Variants in CBR4 observed in about 807,000 individuals in gnomAD.
CBR4 encodes the protein carbonyl reductase 4, also known as 3-oxoacyl-[acyl-carrier-protein] reductase.
CBR4 carries 22 observed loss-of-function variants against 21.0 expected under a neutral mutation model. The observed-to-expected ratio is 1.05, with a 90% confidence interval of 0.75 to 1.50. The LOEUF (loss-of-function observed/expected upper bound fraction) is 1.50, where lower values mean the gene tolerates loss of function less well. Among genes scored for constraint, CBR4 ranks in the 40% most tolerant of loss-of-function variants. The pLI is 0.00. For missense variants in CBR4, 302 were observed against 286.3 expected, an observed-to-expected ratio of 1.05 and a Z score of -0.40; for synonymous variants, 100 against 104.4, an observed-to-expected ratio of 0.96 and a Z score of 0.26.
intron 2 of CBR4, chr4:168,916,139 A>G: frequency 9.8e-7 from 1 of 1,018,190 alleles, no homozygotes; most frequent in Non-Finnish European, 1.5e-6. Context: ...AGAGCTGGGC[A>G]CAGTGGCTCA....
rs1156435772 is a variant in CBR4, at chr4:168,979,883, GA to G, written n.169+22187del. Among the ~76,000 whole-genome samples, 8 of 152,200 alleles carry G rather than the reference GA, an allele frequency of 5.3e-5. No individual in the cohort carries two copies. In the East Asian group the frequency reaches 1.2e-3, roughly 22 times the overall value. Reference sequence around the variant, plus strand: ...AACTACCCTCAGACTGGGGAAGAAAGAAAGACCCTGAGTGCCTTACTCTCAC... The same window carrying G: ...AACTACCCTCAGACTGGGGAAGAAAGAAGACCCTGAGTGCCTTACTCTCAC... On this transcript the variant is annotated intron_variant and non_coding_transcript_variant, in intron 2 of 3. Coordinates refer to the CBR4 transcript ENST00000509108.
intron 2 of CBR4, among the ~76,000 whole-genome samples, chr4:168,931,208 T>C (rs1762960607): frequency 6.6e-6 from 1 of 152,208 alleles, no homozygotes; most frequent in South Asian, 2.1e-4. Flanking sequence ...GCCCCTGAGC[T>C]GCTAAGCACC....
At chr4:168,925,316 C>T in intron 2 of CBR4, 1 of 1,466,084 alleles carries the variant, frequency 6.8e-7, no homozygotes, top group Non-Finnish European at 9.6e-7. Context: ...GCAAAATATG[C>T]ATGTTGATTT....
At position 168,962,204 on chromosome 4, in the gene CBR4, A is replaced by AT. The variant is rs202128093; in HGVS notation, n.169+39866dup. On this transcript the variant is annotated intron_variant and non_coding_transcript_variant, in intron 2 of 3. Coordinates refer to the CBR4 transcript ENST00000509108. The stretch of plus-strand genomic sequence containing the variant: ...TTAAAAGGTAAGTCAAAAACTAAGG[A>AT]TTTTTTTTTCTACTCTCTCCCCTTC... Among the ~76,000 whole-genome samples the AT allele has an allele frequency of 1.4e-4, 22 of 151,806 alleles. No homozygotes were observed. In the East Asian group the frequency reaches 3.1e-3, roughly 21 times the overall value.
intron 3 of CBR4, among the ~76,000 whole-genome samples, chr4:169,002,970 A>G (rs1478432718): frequency 6.6e-6 from 1 of 152,156 alleles, no homozygotes; most frequent in African/African-American, 2.4e-5. Context: ...GGGTGCCACA[A>G]ACAAAATATT....
At position 168,912,882 on chromosome 4, in the gene CBR4, C is replaced by T. The variant is rs961780633; in HGVS notation, n.170-18117G>A. Among the ~76,000 whole-genome samples, 10 of 152,236 alleles carry T rather than the reference C, an allele frequency of 6.6e-5. No homozygotes were observed. The East Asian group carries it at 7.7e-4, about 12-fold the overall frequency. ...GGCTATCTCCCCGACCCCACCACCC[C>T]GTCAAAATTTCAATTGACAAATTTA... On this transcript the variant is annotated intron_variant and non_coding_transcript_variant, in intron 2 of 3. Transcript: ENST00000509108.
At chr4:168,946,055 G>A (rs1408253423) in intron 2 of CBR4, among the ~76,000 whole-genome samples, 3 of 152,166 alleles carry the variant, frequency 2.0e-5, no homozygotes, top group African/African-American at 7.2e-5. Flanking sequence ...AGAGCAATTA[G>A]ACTTCTCTCA....
intron 4 of CBR4, among the ~76,000 whole-genome samples, chr4:168,994,926 G>A (rs1190712985): frequency 6.6e-6 from 1 of 151,890 alleles, no homozygotes; most frequent in Non-Finnish European, 1.5e-5. Flanking sequence ...GGCTAATTTT[G>A]TATTTTTAGT....
intron 2 of CBR4, among the ~76,000 whole-genome samples, chr4:168,962,011 G>A (rs1249372648): frequency 2.1e-5 from 3 of 141,512 alleles, no homozygotes; most frequent in Non-Finnish European, 3.1e-5. Flanking sequence ...AGGAGAGGAG[G>A]AAGGCAAGCA....
At chr4:168,930,707 G>T (rs1166876517) in intron 2 of CBR4, among the ~76,000 whole-genome samples, 1 of 152,150 alleles carries the variant, frequency 6.6e-6, no homozygotes, top group Non-Finnish European at 1.5e-5. Context: ...TGTCTCTGCT[G>T]CCCATGCCCC....
chr4:168,898,623 C>A, intron 2 of CBR4: 1 of 1,613,828 alleles, frequency 6.2e-7, no homozygotes, highest in Non-Finnish European at 8.5e-7. Flanking sequence ...GGAATGGCAC[C>A]ATTCTTTGAG....
At chr4:168,969,236 C>T (rs1038965273) in intron 2 of CBR4, among the ~76,000 whole-genome samples, 17 of 152,192 alleles carry the variant, frequency 1.1e-4, no homozygotes, top group African/African-American at 4.1e-4. Flanking sequence ...TGTATTATTG[C>T]AGGGTTCTTC....
intron 3 of CBR4, among the ~76,000 whole-genome samples, chr4:169,004,863 G>A (rs1730772203): frequency 6.6e-6 from 1 of 152,140 alleles, no homozygotes; most frequent in African/African-American, 2.4e-5. Context: ...TAATGAATAT[G>A]TAATAATAAT....
At chr4:168,901,454 A>G (rs1756497228) in intron 2 of CBR4, among the ~76,000 whole-genome samples, 1 of 152,190 alleles carries the variant, frequency 6.6e-6, no homozygotes, top group Non-Finnish European at 1.5e-5. Context: ...TGCCAAGTAT[A>G]ATGGAGGTGA....
intron 2 of CBR4, among the ~76,000 whole-genome samples, chr4:168,975,900 C>T (rs1445952361): frequency 6.6e-6 from 1 of 152,144 alleles, no homozygotes; most frequent in Non-Finnish European, 1.5e-5. Flanking sequence ...CCTCACCCAA[C>T]TCCCCCACAG....
chr4:168,938,817 C>CA (rs896008546), intron 2 of CBR4, among the ~76,000 whole-genome samples: 1 of 151,922 alleles, frequency 6.6e-6, no homozygotes, highest in Admixed American at 6.6e-5. Context: ...GCCTAACAAC[C>CA]AAAAAAAGTC....
At chr4:168,964,817 G>A (rs1385614248) in intron 2 of CBR4, among the ~76,000 whole-genome samples, 1 of 152,192 alleles carries the variant, frequency 6.6e-6, no homozygotes, top group Non-Finnish European at 1.5e-5. Context: ...GTGCAAGTAT[G>A]TGTAGATCAC....
downstream of CBR4, among the ~76,000 whole-genome samples, chr4:168,986,975 G>C (rs999979107): frequency 2.6e-5 from 4 of 152,198 alleles, no homozygotes; most frequent in South Asian, 2.1e-4. Flanking sequence ...AAATAAATAA[G>C]TGTCTTAAAT....
chr4:168,992,055 T>G (rs887305518), intron 4 of CBR4, among the ~76,000 whole-genome samples: 69 of 152,230 alleles, frequency 4.5e-4, no homozygotes, highest in African/African-American at 1.6e-3. Flanking sequence ...ACTATGTAAT[T>G]ACTTAACTTT....
Sources: gnomAD v4.1 joint callset for allele counts (sites outside exome capture counted in the v4.1 genomes callset) on GRCh38, gnomAD v4.1.1 for gene constraint, MANE v1.5 for transcripts, NCBI Gene and HGNC (gene_info 2026-07-23, HGNC 2026-07-21) for gene names.